The following DOCK1 variants were observed in gnomAD, a reference collection of about 807,000 sequenced individuals.
The protein encoded by DOCK1 is dedicator of cytokinesis 1.
DOCK1 carries 138 observed loss-of-function variants against 262.7 expected under a neutral mutation model. The observed-to-expected ratio is 0.53, with a 90% CI of 0.46 to 0.61. The LOEUF (loss-of-function observed/expected upper bound fraction) is 0.61. DOCK1 is among the 20% of genes least tolerant of loss of function. DOCK1 has a pLI of 0.00. For missense variants in DOCK1, 1,908 were observed against 2,370.7 expected (o/e 0.80, Z 4.05); for synonymous variants, 866 against 867.4 (o/e 1.00, Z 0.03).
chr10:127,121,471 G>GTGTGTGTGTGTGTGTGTGTCTA (rs1554889203), intron 25 of DOCK1, among the ~76,000 whole-genome samples: 7 of 151,900 alleles, frequency 4.6e-5, no homozygotes, highest in Non-Finnish European at 1.0e-4. Context: ...GTGTGTGTGT[G>GTGTGTGTGTGTGTGTGTGTCTA]TGTGTCTATC....
chr10:127,423,932 T>G (rs2068660459), intron 46 of DOCK1, among the ~76,000 whole-genome samples: 1 of 152,138 alleles, frequency 6.6e-6, no homozygotes, highest in Non-Finnish European at 1.5e-5. Flanking sequence ...AGAAACTCTT[T>G]AGGAATGCAG....
chr10:127,415,361 G>A, intron 44 of DOCK1, 123 bp downstream of exon 44: 1 of 875,562 alleles, frequency 1.1e-6, no homozygotes, highest in Non-Finnish European at 1.8e-6. Context: ...AGACTCTACA[G>A]TTCCCATAAC....
intron 43 of DOCK1, among the ~76,000 whole-genome samples, chr10:127,413,635 C>T (rs747696771): frequency 1.3e-5 from 2 of 152,100 alleles, no homozygotes; most frequent in Non-Finnish European, 1.5e-5. Context: ...AGGAGCTGGC[C>T]GTAAAGCCCA....
intron 27 of DOCK1, among the ~76,000 whole-genome samples, chr10:127,185,137 G>A (rs2060937553): frequency 6.6e-6 from 1 of 152,144 alleles, no homozygotes; most frequent in South Asian, 2.1e-4. Context: ...CTTTGTGTCG[G>A]TTTTCTCTCC....
At chr10:127,065,693 C>A (rs990820551) in intron 23 of DOCK1, among the ~76,000 whole-genome samples, 1 of 152,154 alleles carries the variant, frequency 6.6e-6, no homozygotes, top group African/African-American at 2.4e-5. Context: ...CGCAGCTCCT[C>A]CAGCTCCAGG....
intron 29 of DOCK1, among the ~76,000 whole-genome samples, chr10:127,316,485 G>C (rs944048892): frequency 6.6e-6 from 1 of 152,136 alleles, no homozygotes; most frequent in African/African-American, 2.4e-5. Flanking sequence ...AGCCATCTGT[G>C]TTTTGTTTGG....
At chr10:127,281,936 T>C (rs2135284906) in intron 29 of DOCK1, among the ~76,000 whole-genome samples, 1 of 152,260 alleles carries the variant, frequency 6.6e-6, no homozygotes, top group East Asian at 1.9e-4. Flanking sequence ...GGCTGGGGTG[T>C]CCAATCTTTT....
chr10:127,175,166 G>T lies in DOCK1; in HGVS notation c.2847+47402G>T. 1 of 1,500,514 alleles carries T rather than the reference G, an allele frequency of 6.7e-7. No individual in the cohort carries two copies. Among genetic ancestry groups the T allele is most frequent in the Non-Finnish European group, 9.1e-7 (1 of 1,093,864 alleles). 92.9% of individuals were successfully genotyped at this position (1,500,514 alleles called of 1,614,324 possible). A position where few individuals can be genotyped will look rare whatever the true frequency, so the allele number is the denominator to read the frequency against. The stretch of plus-strand genomic sequence containing the variant: ...TTTGGGGCTACAGATGGACTCTGTG[G>T]TGATCAGCCTGCATAGCTTCCTAAG... On this transcript the variant is annotated intron_variant, in intron 27 of 51. Transcript: ENST00000623213. The surrounding 1 kb of genome is among the most constrained non-coding windows in gnomAD (Gnocchi z 6.3).
intron 21 of DOCK1, among the ~76,000 whole-genome samples, chr10:127,047,180 G>C (rs1196926608): frequency 1.0e-5 from 1 of 95,978 alleles, no homozygotes; most frequent in Admixed American, 1.3e-4. Context: ...GCTATTGCTT[G>C]AGGGTCATCC....
intron 10 of DOCK1, among the ~76,000 whole-genome samples, chr10:127,002,137 G>GT (rs960069386): frequency 4.6e-5 from 7 of 151,910 alleles, no homozygotes; most frequent in African/African-American, 9.7e-5. Context: ...TTCCAGGATT[G>GT]TTTTTTTTCT....
intron 5 of DOCK1, 92 bp from the exon 6 acceptor site, chr10:126,990,363 C>T (rs1236114410): frequency 2.3e-6 from 3 of 1,298,714 alleles, no homozygotes; most frequent in East Asian, 2.6e-5. Context: ...GTGCTTATAC[C>T]TCATGCGTAT....
intron 27 of DOCK1, among the ~76,000 whole-genome samples, chr10:127,236,500 G>GTTTGTT (rs2059062168): frequency 1.5e-5 from 1 of 66,786 alleles, no homozygotes; most frequent in Non-Finnish European, 2.7e-5. Context: ...CTTGACACGG[G>GTTTGTT]TTTTTTTTTT....
chr10:126,952,666 GGTA>G (rs1327492206), intron 1 of DOCK1, among the ~76,000 whole-genome samples: 1 of 151,938 alleles, frequency 6.6e-6, no homozygotes, highest in African/African-American at 2.4e-5. Flanking sequence ...TGTTGTTATT[GGTA>G]GTATTGTTGT....
chr10:127,376,810 C>T (rs1410999236), intron 35 of DOCK1, among the ~76,000 whole-genome samples: 1 of 152,142 alleles, frequency 6.6e-6, no homozygotes, highest in Non-Finnish European at 1.5e-5. Context: ...TAAGCAAGAT[C>T]TCTTATGCTC....
intron 43 of DOCK1, among the ~76,000 whole-genome samples, chr10:127,414,022 A>G (rs576569256): frequency 6.6e-6 from 1 of 152,036 alleles, no homozygotes; most frequent in South Asian, 2.1e-4. Flanking sequence ...AGCGATTCTC[A>G]TGCCTCAGCC....
At chr10:127,298,320 G>A (rs2061570384) in intron 29 of DOCK1, among the ~76,000 whole-genome samples, 1 of 152,186 alleles carries the variant, frequency 6.6e-6, no homozygotes. Flanking sequence ...TAATTAGAAA[G>A]TGAGTCCCCT....
chr10:127,148,723 G>A (rs1205056188), intron 27 of DOCK1, among the ~76,000 whole-genome samples: 1 of 152,162 alleles, frequency 6.6e-6, no homozygotes, highest in Non-Finnish European at 1.5e-5. Context: ...GATTATATTA[G>A]TAATTTATCC....
At chr10:127,321,244 C>T (rs1365220166) in intron 29 of DOCK1, among the ~76,000 whole-genome samples, 2 of 92,700 alleles carry the variant, frequency 2.2e-5, no homozygotes, top group Admixed American at 1.2e-4. Context: ...CCCGTCCTCC[C>T]CCTCTCTCTC....
At chr10:127,306,587 G>A (rs1414911889) in intron 29 of DOCK1, among the ~76,000 whole-genome samples, 2 of 152,166 alleles carry the variant, frequency 1.3e-5, no homozygotes, top group Non-Finnish European at 2.9e-5. Flanking sequence ...TGAGGATTAT[G>A]AGAACTTCCT....
Sources: allele counts gnomAD v4.1 joint callset (sites outside exome capture counted in the v4.1 genomes callset), GRCh38; gene constraint gnomAD v4.1.1; non-coding constraint Gnocchi (gnomAD v3.1); transcripts MANE v1.5; gene names NCBI Gene and HGNC (gene_info 2026-07-23, HGNC 2026-07-21).